MTHFD2: variants seen among roughly 807,000 people sequenced by gnomAD.
MTHFD2 encodes bifunctional methylenetetrahydrofolate dehydrogenase/cyclohydrolase, mitochondrial.
A neutral mutation model predicts 36.8 loss-of-function variants in MTHFD2; 26 were observed. The observed-to-expected ratio is 0.71, with a 90% CI of 0.52 to 0.98. The LOEUF (loss-of-function observed/expected upper bound fraction) is 0.98. MTHFD2 is among the 50% of genes least tolerant of loss of function. The pLI is 0.00. For missense variants in MTHFD2, 373 were observed against 434.0 expected (o/e 0.86, Z 1.25); for synonymous variants, 164 against 155.2 (o/e 1.06, Z -0.42).
chr2:74,209,395 A>T (rs1288471919), intron 4 of MTHFD2, among the ~76,000 whole-genome samples: 2 of 151,202 alleles, frequency 1.3e-5, no homozygotes, highest in African/African-American at 4.9e-5. Flanking sequence ...GGTGCCCACC[A>T]CCATGCCTGG....
chr2:74,216,538 C>T lies in MTHFD2; in HGVS notation c.*2296C>T, dbSNP rs1311600311. 6.6e-6 allele frequency: 1 copy of T among 152,190 alleles called. No homozygotes were observed. The highest frequency in any genetic ancestry group is 1.5e-5 in the Non-Finnish European group (1 of 68,036). The allele number at this position is 152,190 out of a possible 1,614,324, so 9.4% of individuals were successfully genotyped here. ...ATTCCAGATCAGCCAGGTTTTAAAACTGAAATGTGTTAAGGGTGGATTGTT... is the reference window on the plus strand; with the variant it reads ...ATTCCAGATCAGCCAGGTTTTAAAATTGAAATGTGTTAAGGGTGGATTGTT... On this transcript the variant is annotated 3_prime_UTR_variant, in exon 8 of 8. Coordinates refer to ENST00000394053, the MANE Select transcript of MTHFD2 (RefSeq NM_006636.4).
chr2:74,201,709 C>G (rs1021194500), intron 1 of MTHFD2, among the ~76,000 whole-genome samples: 2 of 152,194 alleles, frequency 1.3e-5, no homozygotes, highest in Non-Finnish European at 2.9e-5. Flanking sequence ...AATATAGTTA[C>G]AATTTTGGAT....
rs1388527826 is a variant in MTHFD2, at chr2:74,208,728, A to G, written c.562+7A>G. On this transcript the variant is annotated splice_region_variant and intron_variant, in intron 4 of 7. Coordinates refer to ENST00000394053, the MANE Select transcript of MTHFD2 (RefSeq NM_006636.4). Reference sequence around the variant, plus strand: ...GAAATAATCAAGCGAACTGGTAGGTATATCCCAGAATTGCATGTCTGTGTT... The same window carrying G: ...GAAATAATCAAGCGAACTGGTAGGTGTATCCCAGAATTGCATGTCTGTGTT... 1.2e-6 allele frequency: 2 copies of G among 1,612,666 alleles called. No homozygotes were observed. The highest frequency in any genetic ancestry group is 1.7e-6 in the Non-Finnish European group (2 of 1,179,398).
chr2:74,205,084 A>G (rs897777625), intron 1 of MTHFD2, among the ~76,000 whole-genome samples: 10 of 152,224 alleles, frequency 6.6e-5, no homozygotes, highest in Non-Finnish European at 1.3e-4. Context: ...CGGCCTCCCA[A>G]AGTGCTGGGA....
intron 1 of MTHFD2, among the ~76,000 whole-genome samples, chr2:74,201,358 CT>C (rs112517184): frequency 7.1e-4 from 103 of 146,050 alleles, no homozygotes; most frequent in African/African-American, 1.4e-3. Context: ...TTTTTCTTTC[CT>C]TTTTTTTTTT....
chr2:74,208,132 C>T (rs1694223262), intron 3 of MTHFD2, among the ~76,000 whole-genome samples: 2 of 152,120 alleles, frequency 1.3e-5, no homozygotes, highest in East Asian at 3.9e-4. Context: ...TGGTCTTGGA[C>T]TCTGTGCTTC....
At position 74,214,627 on chromosome 2, in the gene MTHFD2, A is replaced by T. The variant is rs1694389933; in HGVS notation, c.*385A>T. ...CTCATTTTAGGTACCAAACCTTTTG[A>T]GTTCAACTGATCAAACCAAAGGAAA... On this transcript the variant is annotated 3_prime_UTR_variant, in exon 8 of 8. Coordinates refer to ENST00000394053, the MANE Select transcript of MTHFD2 (RefSeq NM_006636.4). 1 of 153,850 alleles carries T rather than the reference A, an allele frequency of 6.5e-6. No homozygotes were observed. Among genetic ancestry groups the T allele is most frequent in the South Asian group, 2.0e-4 (1 of 4,912 alleles). 9.5% of individuals were successfully genotyped at this position (153,850 alleles called of 1,614,324 possible). A position where few individuals can be genotyped will look rare whatever the true frequency, so the allele number is the denominator to read the frequency against.
intron 1 of MTHFD2, among the ~76,000 whole-genome samples, chr2:74,199,529 C>T (rs1693992860): frequency 6.6e-6 from 1 of 152,092 alleles, no homozygotes; most frequent in African/African-American, 2.4e-5. Context: ...GGTTGCACAA[C>T]ATATGAACGT....
intron 7 of MTHFD2, among the ~76,000 whole-genome samples, chr2:74,213,669 TTTAACA>T (rs570440205): frequency 4.5e-4 from 68 of 152,364 alleles, no homozygotes; most frequent in Non-Finnish European, 7.2e-4. Context: ...GGATTTTCAC[TTTAACA>T]TTAGGTTAAT....
In MTHFD2 at chr2:74,205,596, G is replaced by A. The variant is rs886555822; in HGVS notation, c.102-109G>A. 18 of 1,259,578 alleles carry A rather than the reference G, an allele frequency of 1.4e-5. No individual in the cohort carries two copies. The African/African-American group carries it at 1.5e-4, about 11-fold the overall frequency. 78.0% of individuals were successfully genotyped at this position (1,259,578 alleles called of 1,614,324 possible). ...TGGGCTCAAGCCATCCTCCTGCCCC[G>A]GCCTCCCGAAGTGCTGGGATTACAG... On this transcript the variant is annotated intron_variant, in intron 1 of 7. Coordinates refer to ENST00000394053, the MANE Select transcript of MTHFD2 (RefSeq NM_006636.4).
intron 7 of MTHFD2, among the ~76,000 whole-genome samples, chr2:74,213,270 C>CTTTTTTTTTTTT (rs10638050): frequency 3.9e-5 from 3 of 76,032 alleles, no homozygotes; most frequent in African/African-American, 6.0e-5. Flanking sequence ...TTTTTCTTTC[C>CTTTTTTTTTTTT]TTTTTTTTTT....
At chr2:74,207,396 G>A (rs571852434) in intron 2 of MTHFD2, among the ~76,000 whole-genome samples, 1 of 152,150 alleles carries the variant, frequency 6.6e-6, no homozygotes, top group Non-Finnish European at 1.5e-5. Flanking sequence ...CCAAAGTGCT[G>A]GGATTACAGG....
intron 1 of MTHFD2, among the ~76,000 whole-genome samples, chr2:74,203,536 A>C (rs951625046): frequency 2.0e-5 from 3 of 152,130 alleles, no homozygotes; most frequent in Non-Finnish European, 2.9e-5. Flanking sequence ...ATTCTCAGCT[A>C]TGGAGGCAAA....
chr2:74,211,943 ACTTT>A, intron 7 of MTHFD2, 77 bp downstream of exon 7: 22 of 690,824 alleles, frequency 3.2e-5, no homozygotes, highest in Non-Finnish European at 3.7e-5. Context: ...TAGATTATTT[ACTTT>A]TTTTTTTTTT....
rs1694413531 is a variant in MTHFD2 at position 74,215,350 on chromosome 2, T to A, written c.*1108T>A. 6.6e-6 allele frequency: 1 copy of A among 152,184 alleles called. No homozygotes were observed. Among genetic ancestry groups the A allele is most frequent in the South Asian group, 2.1e-4 (1 of 4,832 alleles). 9.4% of individuals were successfully genotyped at this position (152,184 alleles called of 1,614,324 possible). ...TGACCTAACCAGTTTTTTTCTCATT[T>A]AATCAATGTAGCTATTCCTATATTC... On this transcript the variant is annotated 3_prime_UTR_variant, in exon 8 of 8. Coordinates refer to ENST00000394053, the MANE Select transcript of MTHFD2 (RefSeq NM_006636.4).
intron 7 of MTHFD2, among the ~76,000 whole-genome samples, chr2:74,212,267 T>C (rs1694325801): frequency 8.7e-6 from 1 of 114,746 alleles, no homozygotes; most frequent in African/African-American, 3.6e-5. Context: ...CTTTCTCTTT[T>C]TTTTTTTTTT....
chr2:74,208,815 C>A, intron 4 of MTHFD2, 94 bp downstream of exon 4: 1 of 1,274,474 alleles, frequency 7.8e-7, no homozygotes, highest in Non-Finnish European at 1.1e-6. Context: ...GAGTGGAAAC[C>A]CTACTGCATA....
rs753975367 is a variant in MTHFD2 at position 74,198,629 on chromosome 2, AC to A, written c.-11del. The A allele has an allele frequency of 1.3e-6, 2 of 1,594,514 alleles. No homozygotes were observed. Among genetic ancestry groups the A allele is most frequent in the African/African-American group, 1.3e-5 (1 of 74,256 alleles). ...CGCGCGCTTCCCTCCCGGCGCAGTC[AC>A]CGGCGCGGTCTATGGCTGCGACTTC... On this transcript the variant is annotated 5_prime_UTR_variant, in exon 1 of 8. Transcript: ENST00000394053.
intron 7 of MTHFD2, 109 bp from the exon 8 acceptor site, chr2:74,213,970 A>T: frequency 8.2e-7 from 1 of 1,225,230 alleles, no homozygotes; most frequent in Non-Finnish European, 1.1e-6. Context: ...TTTGAGTTTT[A>T]TGCTTATGTA....
Sources: allele counts gnomAD v4.1 joint callset (sites outside exome capture counted in the v4.1 genomes callset), GRCh38; gene constraint gnomAD v4.1.1; transcripts MANE v1.5; gene names NCBI Gene and HGNC (gene_info 2026-07-23, HGNC 2026-07-21).